The following VTI1A variants were observed in gnomAD, a reference collection of about 807,000 sequenced individuals.
VTI1A encodes the protein vesicle transport through interaction with t-SNAREs 1A, also known as vesicle transport through interaction with t-SNAREs homolog 1A.
VTI1A carries 22 observed loss-of-function variants against 34.9 expected under a neutral mutation model. That is an observed-to-expected ratio of 0.63 (90% CI 0.45 to 0.90). The LOEUF is 0.90. Ranked by LOEUF, VTI1A falls within the 40% of genes least tolerant of loss-of-function variation. VTI1A has a pLI of 0.00. For missense variants in VTI1A, 268 were observed against 275.6 expected, an observed-to-expected ratio of 0.97 and a Z score of 0.20; for synonymous variants, 87 against 97.3, an observed-to-expected ratio of 0.89 and a Z score of 0.62.
chr10:112,822,369 G>C (rs1041732322), downstream of VTI1A, among the ~76,000 whole-genome samples: 7 of 152,194 alleles, frequency 4.6e-5, no homozygotes, highest in African/African-American at 1.7e-4. Flanking sequence ...TCTCCTGACA[G>C]GTCCCACAGC....
At chr10:112,480,512 A>ATG in intron 3 of VTI1A, among the ~76,000 whole-genome samples, 1 of 151,944 alleles carries the variant, frequency 6.6e-6, no homozygotes, top group South Asian at 2.1e-4. Flanking sequence ...TTCAACCCAT[A>ATG]TGTGTGTGTG....
chr10:112,481,407 G>T lies in VTI1A; in HGVS notation c.264+16750G>T, dbSNP rs149308968. On this transcript the variant is annotated intron_variant, in intron 3 of 7. Coordinates refer to ENST00000393077, the MANE Select transcript of VTI1A (RefSeq NM_145206.4). The stretch of plus-strand genomic sequence containing the variant: ...CTCAGTCTTTGATAGCATACGGACT[G>T]TCTCTTTGGCCTACCTTAAGCCAAT... Among the ~76,000 whole-genome samples the T allele has an allele frequency of 6.5e-3, 984 of 152,262 alleles. 3 individuals carry two copies. The highest frequency in any genetic ancestry group is 0.023 in the African/African-American group (947 of 41,526).
intron 5 of VTI1A, among the ~76,000 whole-genome samples, chr10:112,576,054 TCTTTCGCCCAGGCCGGACTG>T (rs1046124111): frequency 2.2e-5 from 3 of 137,356 alleles, no homozygotes; most frequent in Non-Finnish European, 1.5e-5. Context: ...GGAGTCTCGC[TCTTTCGCCCAGGCCGGACTG>T]CAGTGGCGCT....
chr10:112,447,623 T>G (rs980553253), intron 1 of VTI1A, among the ~76,000 whole-genome samples, 156 bp downstream of exon 1: 1 of 151,776 alleles, frequency 6.6e-6, no homozygotes, highest in African/African-American at 2.4e-5. Flanking sequence ...TGGTTGAGGG[T>G]AAGGAGTCAA....
the VTI1A span, among the ~76,000 whole-genome samples, chr10:112,836,310 T>G: frequency 6.6e-6 from 1 of 152,184 alleles, no homozygotes; most frequent in Non-Finnish European, 1.5e-5. Flanking sequence ...ATGAGCTCTT[T>G]AGAACTGAAA....
intron 5 of VTI1A, among the ~76,000 whole-genome samples, chr10:112,656,159 G>T (rs928329198): frequency 6.6e-6 from 1 of 152,124 alleles, no homozygotes; most frequent in African/African-American, 2.4e-5. Flanking sequence ...GTGCCAACCC[G>T]AGTTGACTGC....
chr10:112,499,503 G>A (rs891635895), intron 3 of VTI1A, among the ~76,000 whole-genome samples: 4 of 151,936 alleles, frequency 2.6e-5, no homozygotes, highest in Admixed American at 6.6e-5. Context: ...ATAGATTAAC[G>A]ACTTCAAAAT....
rs995011834 is a variant in VTI1A at position 112,818,461 on chromosome 10, T to C, written c.*3078T>C. 1.3e-5 allele frequency: 3 copies of C among 230,940 alleles called. No homozygotes were observed. Among genetic ancestry groups the C allele is most frequent in the African/African-American group, 6.6e-5 (3 of 45,160 alleles). The allele number at this position is 230,940 out of a possible 1,614,324, so 14.3% of individuals were successfully genotyped here. ...CTCTCCCTCTCTTTCTCCTTTTTTT[T>C]TGCACATCTTTTCTTTAAAACTGTC... On this transcript the variant is annotated 3_prime_UTR_variant, in exon 8 of 8. Transcript: ENST00000393077.
rs74158734 is a variant in VTI1A at position 112,540,858 on chromosome 10, G to C, written c.427+2528G>C. 1.1e-4 allele frequency among the ~76,000 whole-genome samples: 16 copies of C among 152,248 alleles called. No homozygotes were observed. In the East Asian group the frequency reaches 2.1e-3, roughly 20 times the overall value. ...TCTTTTTAAAGACTATGGAATGCAAGGAGGAAGAGAGGTGGAAGAACTAGT... is the reference window on the plus strand; with the variant it reads ...TCTTTTTAAAGACTATGGAATGCAACGAGGAAGAGAGGTGGAAGAACTAGT... On this transcript the variant is annotated intron_variant, in intron 5 of 7. Coordinates refer to ENST00000393077, the MANE Select transcript of VTI1A (RefSeq NM_145206.4).
intron 7 of VTI1A, among the ~76,000 whole-genome samples, chr10:112,713,321 A>G (rs533174921): frequency 3.9e-5 from 6 of 152,174 alleles, no homozygotes; most frequent in Non-Finnish European, 8.8e-5. Context: ...AGGACCTCGC[A>G]TATGATTTTT....
chr10:112,593,666 G>A (rs1254020591), intron 5 of VTI1A, among the ~76,000 whole-genome samples: 1 of 152,134 alleles, frequency 6.6e-6, no homozygotes, highest in Non-Finnish European at 1.5e-5. Context: ...TAAATACCAG[G>A]CGTCATAGGC....
intron 3 of VTI1A, among the ~76,000 whole-genome samples, chr10:112,480,669 A>G (rs1848433094): frequency 6.6e-6 from 1 of 152,122 alleles, no homozygotes; most frequent in Admixed American, 6.6e-5. Context: ...AGTCAGGTTG[A>G]ACAACATGAA....
At chr10:112,556,055 T>C (rs1851532665) in intron 5 of VTI1A, among the ~76,000 whole-genome samples, 1 of 152,038 alleles carries the variant, frequency 6.6e-6, no homozygotes, top group Admixed American at 6.6e-5. Flanking sequence ...GGAAGTTAAA[T>C]TGGAAACAAG....
At chr10:112,527,360 ATCAC>A in intron 4 of VTI1A, 196 bp downstream of exon 4, 1 of 429,844 alleles carries the variant, frequency 2.3e-6, no homozygotes, top group East Asian at 3.7e-5. Flanking sequence ...TTACCTTGTG[ATCAC>A]TGTCTGCTAT....
chr10:112,468,848 C>G (rs903855244), intron 3 of VTI1A, among the ~76,000 whole-genome samples: 2 of 152,174 alleles, frequency 1.3e-5, no homozygotes, highest in Non-Finnish European at 2.9e-5. Context: ...CTGGTTACTT[C>G]AGAGTTATCG....
chr10:112,732,698 A>G (rs1329437479), intron 7 of VTI1A, among the ~76,000 whole-genome samples: 3 of 152,142 alleles, frequency 2.0e-5, no homozygotes, highest in Non-Finnish European at 4.4e-5. Flanking sequence ...TGGCCTTTAC[A>G]AATGTTAATT....
At chr10:112,598,577 A>C (rs1052818283) in intron 5 of VTI1A, among the ~76,000 whole-genome samples, 1 of 152,230 alleles carries the variant, frequency 6.6e-6, no homozygotes, top group African/African-American at 2.4e-5. Context: ...GGGAAAGCAT[A>C]ACCTTTTAAT....
intron 7 of VTI1A, among the ~76,000 whole-genome samples, chr10:112,731,610 A>T (rs1850265435): frequency 6.6e-6 from 1 of 151,904 alleles, no homozygotes; most frequent in African/African-American, 2.4e-5. Flanking sequence ...AACAGCATAC[A>T]TGAGAAGGCA....
chr10:112,537,348 T>C (rs1284262607), intron 4 of VTI1A, among the ~76,000 whole-genome samples: 1 of 142,342 alleles, frequency 7.0e-6, no homozygotes, highest in Non-Finnish European at 1.5e-5. Flanking sequence ...TCTGTATCAG[T>C]TTTTATCCAT....
Sources: gnomAD v4.1 joint callset for allele counts (sites outside exome capture counted in the v4.1 genomes callset) on GRCh38, gnomAD v4.1.1 for gene constraint, MANE v1.5 for transcripts, NCBI Gene and HGNC (gene_info 2026-07-23, HGNC 2026-07-21) for gene names.